SIMC1: variants seen among roughly 807,000 people sequenced by gnomAD.
SIMC1 encodes the protein SUMO interacting motifs containing 1, also known as SUMO-interacting motif-containing protein 1.
A neutral mutation model predicts 82.3 loss-of-function variants in SIMC1; 55 were observed. The ratio of observed to expected loss-of-function variants is 0.67; its 90% CI spans 0.54 to 0.84. The LOEUF (loss-of-function observed/expected upper bound fraction) is 0.84. Ranked by LOEUF, SIMC1 falls within the 40% of genes least tolerant of loss-of-function variation. SIMC1 has a pLI of 0.00. For synonymous variants in SIMC1, 353 were observed against 426.3 expected, an observed-to-expected ratio of 0.83 and a Z score of 2.12; for missense variants, 915 against 1,107.2, an observed-to-expected ratio of 0.83 and a Z score of 2.46.
intron 1 of SIMC1, among the ~76,000 whole-genome samples, chr5:176,279,156 A>G (rs1051351169): frequency 1.3e-5 from 2 of 152,136 alleles, no homozygotes; most frequent in Non-Finnish European, 2.9e-5. Context: ...CAGAGATTCA[A>G]CTTCTTCCTG....
At chr5:176,291,904 C>T (rs1271699517) in intron 2 of SIMC1, among the ~76,000 whole-genome samples, 1 of 152,166 alleles carries the variant, frequency 6.6e-6, no homozygotes, top group African/African-American at 2.4e-5. Context: ...AAATTCTTAT[C>T]TTCTAGCTGG....
intron 6 of SIMC1, 70 bp from the exon 7 acceptor site, chr5:176,324,559 C>T: frequency 6.5e-7 from 1 of 1,531,788 alleles, no homozygotes; most frequent in African/African-American, 1.4e-5. Flanking sequence ...TGGTGGGGAC[C>T]TCCTCCCAGC....
At position 176,322,335 on chromosome 5, in the gene SIMC1, G is replaced by T. The variant is rs561718964; in HGVS notation, c.1952G>T (p.Gly651Val). Residue 651 changes from glycine (G) to valine (V), a missense_variant, in exon 6 of 10, where the codon GGA becomes GTA. By Grantham distance (109) the Gly-to-Val change is moderately radical. Coordinates refer to ENST00000429602, the MANE Select transcript of SIMC1 (RefSeq NM_001308195.2). ...GATGGATTGACTCAGCCCCCAAATG[G>T]AAATCAAACGTCTTCAGGAACAGGA... Reference protein sequence around the residue: ...TEDGLTQPPNGNQTSSGTGIL... With the variant: ...TEDGLTQPPNVNQTSSGTGIL... The T allele has an allele frequency of 1.1e-5, 18 of 1,593,192 alleles. No individual in the cohort carries two copies. In the African/African-American group the frequency reaches 2.1e-4, roughly 19 times the overall value.
At chr5:176,241,308 C>T (rs1330430718) in intron 1 of SIMC1, among the ~76,000 whole-genome samples, 2 of 96,174 alleles carry the variant, frequency 2.1e-5, no homozygotes, top group Admixed American at 1.1e-4. Context: ...CAAAGATAAC[C>T]AATGTTAACA....
At chr5:176,339,249 A>G (rs1261327369) in intron 9 of SIMC1, among the ~76,000 whole-genome samples, 2 of 152,158 alleles carry the variant, frequency 1.3e-5, no homozygotes, top group Non-Finnish European at 2.9e-5. Flanking sequence ...TTGTAATCCC[A>G]GCTACTCAGG....
intron 4 of SIMC1, among the ~76,000 whole-genome samples, chr5:176,304,765 CCAT>C (rs1178241074): frequency 4.0e-5 from 6 of 151,618 alleles, no homozygotes; most frequent in Admixed American, 2.0e-4. Context: ...CAGCCGCCAT[CCAT>C]CTAGGAAGTG....
At chr5:176,334,074 A>G (rs764562279) in intron 7 of SIMC1, among the ~76,000 whole-genome samples, 5 of 152,068 alleles carry the variant, frequency 3.3e-5, no homozygotes, top group Non-Finnish European at 5.9e-5. Flanking sequence ...AATCTTGAAC[A>G]TATTTATAAT....
rs1764540313 is a variant in SIMC1 at position 176,308,890 on chromosome 5, G to C, written c.1735-4801G>C. On this transcript the variant is annotated intron_variant, in intron 4 of 9. Coordinates refer to ENST00000429602, the MANE Select transcript of SIMC1 (RefSeq NM_001308195.2). ...TTACCAAGAATCTGTGCAGTCAGAT[G>C]TCAGCAGTCAGCGGGCCTCTTCTAC... 5 of 1,324,896 alleles carry C rather than the reference G, an allele frequency of 3.8e-6. No individual in the cohort carries two copies. The Admixed American group carries it at 8.4e-5, about 22-fold the overall frequency. 82.1% of individuals were successfully genotyped at this position (1,324,896 alleles called of 1,614,324 possible). A position where few individuals can be genotyped will look rare whatever the true frequency, so the allele number is the denominator to read the frequency against.
At chr5:176,310,159 A>G (rs1056238068) in intron 4 of SIMC1, among the ~76,000 whole-genome samples, 1 of 152,220 alleles carries the variant, frequency 6.6e-6, no homozygotes, top group African/African-American at 2.4e-5. Context: ...AATACCAAAT[A>G]CTAATGAGGA....
At chr5:176,252,240 C>T (rs375036542) in intron 1 of SIMC1, among the ~76,000 whole-genome samples, 4 of 149,598 alleles carry the variant, frequency 2.7e-5, no homozygotes, top group Non-Finnish European at 4.4e-5. Flanking sequence ...CCCTCCCGGA[C>T]GGGGCGGCTG....
chr5:176,313,223 C>T (rs1398490342), intron 4 of SIMC1: 3 of 1,275,660 alleles, frequency 2.4e-6, no homozygotes, highest in Non-Finnish European at 2.0e-6. Flanking sequence ...GATCTAGCAG[C>T]ACAGGAGTCA....
intron 1 of SIMC1, among the ~76,000 whole-genome samples, chr5:176,269,016 A>T (rs565503013): frequency 1.3e-5 from 2 of 152,328 alleles, no homozygotes; most frequent in African/African-American, 4.8e-5. Context: ...TAATAAAATG[A>T]CTACATATTA....
At chr5:176,248,688 T>G (rs1460388961) in intron 1 of SIMC1, among the ~76,000 whole-genome samples, 5 of 152,150 alleles carry the variant, frequency 3.3e-5, no homozygotes, top group Non-Finnish European at 7.4e-5. Flanking sequence ...TGTGCTGGTT[T>G]TCAAAGGGAA....
At chr5:176,323,989 A>G (rs919071325) in intron 6 of SIMC1, among the ~76,000 whole-genome samples, 12 of 146,448 alleles carry the variant, frequency 8.2e-5, no homozygotes, top group African/African-American at 3.1e-4. Flanking sequence ...CTCCATCTCA[A>G]AAAAAAAAAA....
chr5:176,302,232 A>G (rs1339996593), intron 4 of SIMC1, among the ~76,000 whole-genome samples: 3 of 152,208 alleles, frequency 2.0e-5, no homozygotes, highest in African/African-American at 7.2e-5. Flanking sequence ...ACTGTAAACC[A>G]TGAACATGTG....
intron 1 of SIMC1, among the ~76,000 whole-genome samples, chr5:176,256,091 TGAA>T (rs1761843781): frequency 6.6e-6 from 1 of 152,092 alleles, no homozygotes; most frequent in African/African-American, 2.4e-5. Context: ...CCATTCTAAA[TGAA>T]GAAGATTCAT....
At chr5:176,287,560 C>T (rs891120890) in intron 1 of SIMC1, among the ~76,000 whole-genome samples, 1 of 152,090 alleles carries the variant, frequency 6.6e-6, no homozygotes, top group Non-Finnish European at 1.5e-5. Context: ...AGCACACCAA[C>T]ATCGCACATG....
At chr5:176,303,852 T>A (rs1764151160) in intron 4 of SIMC1, among the ~76,000 whole-genome samples, 1 of 152,204 alleles carries the variant, frequency 6.6e-6, no homozygotes, top group African/African-American at 2.4e-5. Context: ...AAAAAGTGGA[T>A]ATCCACTTGC....
At chr5:176,292,537 A>G (rs1363846398) in intron 2 of SIMC1, among the ~76,000 whole-genome samples, 3 of 151,426 alleles carry the variant, frequency 2.0e-5, no homozygotes, top group Non-Finnish European at 2.9e-5. Context: ...CTGCCTGACC[A>G]CTAGCTCATT....
Sources: gnomAD v4.1 joint callset for allele counts (sites outside exome capture counted in the v4.1 genomes callset) on GRCh38, gnomAD v4.1.1 for gene constraint, MANE v1.5 for transcripts, NCBI Gene and HGNC (gene_info 2026-07-23, HGNC 2026-07-21) for gene names.